Variants in CELF2 observed in about 807,000 individuals in gnomAD.
CELF2 encodes the protein CUGBP Elav-like family member 2.
A neutral mutation model predicts 62.6 loss-of-function variants in CELF2; 8 were observed. The observed-to-expected ratio is 0.13, with a 90% confidence interval of 0.07 to 0.23. The LOEUF is 0.23. Among genes scored for constraint, CELF2 ranks in the 10% least tolerant of loss-of-function variants. CELF2 has a pLI of 1.00. For missense variants in CELF2, 333 were observed against 671.0 expected (o/e 0.50, Z 5.56); for synonymous variants, 258 against 250.0 (o/e 1.03, Z -0.30).
rs1565891634 is a variant in CELF2 at position 11,305,592 on chromosome 10, C to G, written c.977-8547C>G. ...AGGTTGGGGGGTTCAGCTCTCAGCT[C>G]TGTTGGAGATATTATACGGGAGTTA... On this transcript the variant is annotated intron_variant, in intron 9 of 12. Transcript: ENST00000633077. This position sits in a 1 kb window ranked among gnomAD's most constrained non-coding sequence, Gnocchi z 4.8. Among the ~76,000 whole-genome samples, 1 of 152,206 alleles carries G rather than the reference C, an allele frequency of 6.6e-6. No individual in the cohort carries two copies. Among genetic ancestry groups the G allele is most frequent in the African/African-American group, 2.4e-5 (1 of 41,446 alleles).
At chr10:10,756,048 A>T in the CELF2 span, among the ~76,000 whole-genome samples, 12 of 152,204 alleles carry the variant, frequency 7.9e-5, no homozygotes, top group Non-Finnish European at 1.5e-4. Flanking sequence ...TAGACATAGT[A>T]TTAGGGGAAA....
intron 1 of CELF2, among the ~76,000 whole-genome samples, chr10:10,877,857 A>T (rs2061206954): frequency 1.3e-5 from 2 of 152,198 alleles, no homozygotes; most frequent in African/African-American, 2.4e-5. Flanking sequence ...TGTTATATTC[A>T]GCAAGCCTGG....
the CELF2 span, among the ~76,000 whole-genome samples, chr10:10,727,607 T>G: frequency 5.3e-5 from 8 of 151,978 alleles, no homozygotes; most frequent in Non-Finnish European, 1.5e-5. Flanking sequence ...AAACCCCGTC[T>G]CTACCAAAAG....
At chr10:11,034,081 TTGTA>T (rs1404054124) in intron 1 of CELF2, among the ~76,000 whole-genome samples, 1 of 152,218 alleles carries the variant, frequency 6.6e-6, no homozygotes, top group African/African-American at 2.4e-5. Context: ...GTTACAAAAA[TTGTA>T]TGAAGTATAA....
chr10:11,184,236 G>C (rs1298465675), intron 2 of CELF2, among the ~76,000 whole-genome samples: 1 of 152,174 alleles, frequency 6.6e-6, no homozygotes, highest in Non-Finnish European at 1.5e-5. Flanking sequence ...AAGACAGTCT[G>C]ACCTGCTCCA....
the CELF2 span, among the ~76,000 whole-genome samples, chr10:10,468,803 C>T: frequency 5.3e-5 from 8 of 151,950 alleles, no homozygotes; most frequent in Admixed American, 1.3e-4. Context: ...TAACTATCCC[C>T]ATAAACTTTA....
chr10:10,537,970 G>C, the CELF2 span, among the ~76,000 whole-genome samples: 1 of 152,260 alleles, frequency 6.6e-6, no homozygotes, highest in African/African-American at 2.4e-5. Flanking sequence ...GTCCAAGTGC[G>C]ATGAGCCCTT....
chr10:10,538,148 G>A, the CELF2 span, among the ~76,000 whole-genome samples: 2 of 152,138 alleles, frequency 1.3e-5, no homozygotes, highest in African/African-American at 2.4e-5. Context: ...GCTAGTAGGG[G>A]TGCCCTGACA....
the CELF2 span, among the ~76,000 whole-genome samples, chr10:10,662,406 CA>C: frequency 6.6e-6 from 1 of 152,098 alleles, no homozygotes; most frequent in African/African-American, 2.4e-5. Context: ...CAGCTGCCAC[CA>C]TTGAACGTCT....
At chr10:11,196,994 G>A (rs12269376) in intron 2 of CELF2, among the ~76,000 whole-genome samples, 2 of 61,698 alleles carry the variant, frequency 3.2e-5, no homozygotes, top group East Asian at 1.6e-3. Context: ...AGAAAGAAAG[G>A]AAGGAAGGAG....
intron 8 of CELF2, among the ~76,000 whole-genome samples, chr10:11,282,458 G>A (rs2089287198): frequency 1.3e-5 from 2 of 152,356 alleles, no homozygotes; most frequent in African/African-American, 2.4e-5. Flanking sequence ...CCACGTGGAT[G>A]TGTTAGGAAC....
chr10:11,050,436 A>G (rs573481705), intron 1 of CELF2, among the ~76,000 whole-genome samples: 2 of 152,354 alleles, frequency 1.3e-5, no homozygotes, highest in East Asian at 3.9e-4. Flanking sequence ...CATGGCGAGC[A>G]GAAGACATTT....
chr10:10,581,889 A>G, the CELF2 span, among the ~76,000 whole-genome samples: 1 of 152,068 alleles, frequency 6.6e-6, no homozygotes, highest in Non-Finnish European at 1.5e-5. Context: ...TTAGTTGGGC[A>G]TGGTGGTGGG....
At chr10:11,195,394 A>G (rs923788161) in intron 2 of CELF2, among the ~76,000 whole-genome samples, 4 of 152,316 alleles carry the variant, frequency 2.6e-5, no homozygotes, top group Non-Finnish European at 5.9e-5. Context: ...CTTTTGCTAC[A>G]TGAAGTCATG....
intron 9 of CELF2, among the ~76,000 whole-genome samples, chr10:11,307,601 G>A (rs2094320109): frequency 1.3e-5 from 2 of 152,228 alleles, no homozygotes; most frequent in African/African-American, 2.4e-5. Context: ...CAATAACCCG[G>A]TGAATTCAGT....
At chr10:10,851,941 G>C (rs2059407505) in intron 1 of CELF2, among the ~76,000 whole-genome samples, 1 of 152,166 alleles carries the variant, frequency 6.6e-6, no homozygotes, top group South Asian at 2.1e-4. Flanking sequence ...TTAAACAACT[G>C]ACTATATCAA....
the CELF2 span, among the ~76,000 whole-genome samples, chr10:10,475,380 C>T: frequency 6.6e-6 from 1 of 151,712 alleles, no homozygotes; most frequent in African/African-American, 2.4e-5. Context: ...CCATGTCTCA[C>T]TCATATGGAA....
intron 1 of CELF2, among the ~76,000 whole-genome samples, chr10:11,131,171 C>A (rs906080340): frequency 1.1e-4 from 17 of 152,120 alleles, no homozygotes; most frequent in Non-Finnish European, 2.4e-4. Flanking sequence ...TTGAATTGGG[C>A]GTGATATCGA....
chr10:10,978,808 C>A (rs938860471), intron 2 of CELF2, among the ~76,000 whole-genome samples: 2 of 152,090 alleles, frequency 1.3e-5, no homozygotes, highest in South Asian at 4.2e-4. Context: ...AACCCAGTGT[C>A]AAAACAATAT....
Sources: gnomAD v4.1 joint callset for allele counts (sites outside exome capture counted in the v4.1 genomes callset) on GRCh38, gnomAD v4.1.1 for gene constraint, Gnocchi (gnomAD v3.1) non-coding constraint, MANE v1.5 for transcripts, NCBI Gene and HGNC (gene_info 2026-07-23, HGNC 2026-07-21) for gene names.